The following PDE4A variants were observed in gnomAD, a reference collection of about 807,000 sequenced individuals.
PDE4A encodes 3',5'-cyclic-AMP phosphodiesterase 4A.
A neutral mutation model predicts 73.9 loss-of-function variants in PDE4A; 21 were observed. That is an observed-to-expected ratio of 0.28 (90% CI 0.20 to 0.41). The LOEUF is 0.41. PDE4A is among the 10% of genes least tolerant of loss of function. The pLI is 1.00. For synonymous variants in PDE4A, 463 were observed against 505.4 expected (o/e 0.92, Z 1.13); for missense variants, 958 against 1,211.4 (o/e 0.79, Z 3.10).
chr19:10,427,428 G>A (rs1169567144), intron 1 of PDE4A: 10 of 939,692 alleles, frequency 1.1e-5, no homozygotes, highest in Non-Finnish European at 1.3e-5. Context: ...GTGTGTCTGA[G>A]GCAGAGTGAG....
At position 10,457,907 on chromosome 19, in the gene PDE4A, A is replaced by G. The variant is rs199597665; in HGVS notation, c.906A>G (p.Ser302=). Residue 302 remains serine (S), a synonymous_variant, in exon 8 of 15, where the codon TCA becomes TCG. Transcript: ENST00000380702. The part of the protein sequence containing the change: ...LDKQNEVEIP[S]PTMKEREKQQ... ...AACAGAATGAAGTGGAGATCCCATC[A>G]CCCACGATGAAGGAACGAGAAAAAC... 1.7e-5 allele frequency: 27 copies of G among 1,612,172 alleles called. No homozygotes were observed. Among genetic ancestry groups the G allele is most frequent in the Non-Finnish European group, 2.1e-5 (25 of 1,179,984 alleles).
rs141443825 is a variant in PDE4A at position 10,467,268 on chromosome 19, C to T, written c.2308C>T (p.Leu770=). ...SLEVMAQEAS[L]EAELEAVYLT... The stretch of plus-strand genomic sequence containing the variant: ...GGAAGTTATGGCACAGGAAGCATCC[C>T]TGGAGGCCGAGCTGGAGGCAGTGTA... The change falls in exon 15 of 15, where the codon CTG becomes TTG. Residue 770 remains leucine, a synonymous_variant. Transcript: ENST00000380702. 1.7e-5 allele frequency: 28 copies of T among 1,614,092 alleles called. No individual in the cohort carries two copies. Among genetic ancestry groups the T allele is most frequent in the Middle Eastern group, 3.3e-4 (2 of 6,084 alleles).
At chr19:10,431,093 G>T in intron 1 of PDE4A, 1 of 1,513,296 alleles carries the variant, frequency 6.6e-7, no homozygotes, top group Non-Finnish European at 8.8e-7. Context: ...CTGGGTAAGT[G>T]CAGCGCTGGT....
At chr19:10,436,066 G>A (rs1162917015) in intron 1 of PDE4A, among the ~76,000 whole-genome samples, 6 of 152,268 alleles carry the variant, frequency 3.9e-5, no homozygotes, top group Middle Eastern at 3.4e-3. Context: ...TGTGCTAGCT[G>A]GGCACCTGCT....
intron 1 of PDE4A, chr19:10,423,157 CTTTTTTTTT>C (rs61513692): frequency 6.1e-5 from 46 of 755,998 alleles, no homozygotes; most frequent in South Asian, 1.3e-4. Context: ...AACCCTTTCT[CTTTTTTTTT>C]TTTTTTTTTT....
intron 7 of PDE4A, among the ~76,000 whole-genome samples, chr19:10,456,956 G>A (rs2043179361): frequency 6.6e-6 from 1 of 152,186 alleles, no homozygotes; most frequent in Non-Finnish European, 1.5e-5. Flanking sequence ...CCAGCACTTT[G>A]GGAGGCCGAG....
At chr19:10,426,183 A>G (rs1454152376) in intron 1 of PDE4A, among the ~76,000 whole-genome samples, 2 of 151,866 alleles carry the variant, frequency 1.3e-5, no homozygotes, top group Non-Finnish European at 2.9e-5. Flanking sequence ...GAAAAAAATA[A>G]AAGAAGTAAA....
intron 1 of PDE4A, chr19:10,427,920 G>T (rs1289176462): frequency 1.1e-6 from 1 of 913,330 alleles, no homozygotes; most frequent in Non-Finnish European, 1.3e-6. Flanking sequence ...ACTTGAGCCT[G>T]GGAGGTGGAG....
rs562068665 is a variant in PDE4A at position 10,443,015 on chromosome 19, C to CA, written c.321-3197dup. Among the ~76,000 whole-genome samples the CA allele has an allele frequency of 2.3e-3, 346 of 151,898 alleles. 2 individuals carry two copies. The highest frequency in any genetic ancestry group is 8.1e-3 in the African/African-American group (334 of 41,436). ...CAATATTACATATTACCTATTACTA[C>CA]AAAAAATTCAAAAATTATCTGGGTG... On this transcript the variant is annotated intron_variant, in intron 1 of 14. Transcript: ENST00000380702.
chr19:10,421,168 T>C lies in PDE4A; in HGVS notation c.320+84T>C, dbSNP rs190630833. 3.0e-3 allele frequency: 4,020 copies of C among 1,337,246 alleles called. 66 individuals carry two copies. In the East Asian group the frequency reaches 0.043, roughly 14 times the overall value. The allele number at this position is 1,337,246 out of a possible 1,614,324, so 82.8% of individuals were successfully genotyped here. On this transcript the variant is annotated intron_variant, in intron 1 of 14. Transcript: ENST00000380702. ...TCGAGCTGCCGGCCGCAGGGGGCGC[T>C]AGGATGCGGGTGGGGTCGGTTTGGC...
intron 1 of PDE4A, among the ~76,000 whole-genome samples, chr19:10,441,339 C>T (rs1289383340): frequency 6.6e-6 from 1 of 152,010 alleles, no homozygotes; most frequent in African/African-American, 2.4e-5. Context: ...GTTGTCTGGG[C>T]TGGTCTCGAA....
At chr19:10,435,794 G>A (rs1248675795) in intron 1 of PDE4A, among the ~76,000 whole-genome samples, 1 of 152,108 alleles carries the variant, frequency 6.6e-6, no homozygotes, top group Non-Finnish European at 1.5e-5. Context: ...AGCAGTCAGT[G>A]GCAAGCCAGG....
In PDE4A at chr19:10,421,002, C is replaced by G. The variant is rs200639546; in HGVS notation, c.238C>G (p.Arg80Gly). Residue 80 changes from arginine to glycine, a missense_variant, in exon 1 of 15, where the codon CGC (arginine) becomes GGC (glycine). Physicochemically the swap from Arg to Gly is moderately radical, Grantham distance 125. Around this residue, in one of 3 missense-constraint regions of PDE4A, gnomAD observed 145 missense variants for 137.8 expected, o/e 1.05. Coordinates refer to ENST00000380702, the MANE Select transcript of PDE4A (RefSeq NM_001111307.2). ...GGACACCAGCGACCGGCCCGGCCTG[C>G]GCACGACCCGCATGTCCTGGCCCTC... is the stretch of plus-strand genomic sequence containing the variant. Reference protein sequence around the residue: ...AMDTSDRPGLRTTRMSWPSSF... With the variant: ...AMDTSDRPGLGTTRMSWPSSF... 1 of 1,516,354 alleles carries G rather than the reference C, an allele frequency of 6.6e-7. No homozygotes were observed. The highest frequency in any genetic ancestry group is 2.1e-5 in the Admixed American group (1 of 48,654). 93.9% of individuals were successfully genotyped at this position (1,516,354 alleles called of 1,614,324 possible). A position where few individuals can be genotyped will look rare whatever the true frequency, so the allele number is the denominator to read the frequency against.
At chr19:10,421,358 C>A (rs2042649491) in intron 1 of PDE4A, 1 of 984,052 alleles carries the variant, frequency 1.0e-6, no homozygotes, top group Admixed American at 6.1e-5. Context: ...GGGCTGCACA[C>A]TTAGGGGTCT....
upstream of PDE4A, chr19:10,419,056 C>CTT (rs977830124): frequency 0.028 from 22,289 of 807,074 alleles, 102 homozygotes; most frequent in Middle Eastern, 0.038. Flanking sequence ...GACCGGCAGT[C>CTT]TTTTTTTTTT....
chr19:10,448,140 A>G (rs924050739), intron 2 of PDE4A, among the ~76,000 whole-genome samples: 5 of 146,376 alleles, frequency 3.4e-5, no homozygotes, highest in Admixed American at 2.8e-4. Context: ...TTGCTCTGTC[A>G]CCAGGCTGGA....
At position 10,450,619 on chromosome 19, in the gene PDE4A, G is replaced by A. The variant is rs1288389575; in HGVS notation, c.637G>A (p.Gly213Ser). 2 of 1,609,428 alleles carry A rather than the reference G, an allele frequency of 1.2e-6. No individual in the cohort carries two copies. Among genetic ancestry groups the A allele is most frequent in the East Asian group, 2.2e-5 (1 of 44,818 alleles). Residue 213 changes from glycine to serine, a missense_variant, in exon 5 of 15, where the codon GGC becomes AGC. This residue lies in a region of PDE4A where 570 missense variants were observed against 827.7 expected (regional missense o/e 0.69). Coordinates refer to ENST00000380702, the MANE Select transcript of PDE4A (RefSeq NM_001111307.2). ...TTTCTGCAGGCGGTCCCCGCTGGGCGGCCCCACCCCTGTCTGCAAGGCCAC... is the reference window on the plus strand; with the variant it reads ...TTTCTGCAGGCGGTCCCCGCTGGGCAGCCCCACCCCTGTCTGCAAGGCCAC... The part of the protein sequence containing the change: ...VPSNKRSPLG[G>S]PTPVCKATLS...
In PDE4A at chr19:10,449,140, C is replaced by T; in HGVS notation, c.610C>T (p.Pro204Ser). Residue 204 changes from proline to serine, a missense_variant, in exon 4 of 15, where the codon CCC becomes TCC. Coordinates refer to ENST00000380702, the MANE Select transcript of PDE4A (RefSeq NM_001111307.2). ...NFSLLTNVPV[P>S]SNKRSPLGGP... Reference sequence around the variant, plus strand: ...CTCACTCCTGACCAATGTGCCCGTTCCCAGTAACAAGTAAGTGAAGGCTGG... The same window carrying T: ...CTCACTCCTGACCAATGTGCCCGTTTCCAGTAACAAGTAAGTGAAGGCTGG... The T allele has an allele frequency of 6.2e-7, 1 of 1,613,518 alleles. No homozygotes were observed. The highest frequency in any genetic ancestry group is 1.3e-5 in the African/African-American group (1 of 75,022).
At position 10,463,868 on chromosome 19, in the gene PDE4A, G is replaced by A; in HGVS notation, c.1819G>A (p.Asp607Asn). 6.2e-7 allele frequency: 1 copy of A among 1,614,188 alleles called. No individual in the cohort carries two copies. Among genetic ancestry groups the A allele is most frequent in the Non-Finnish European group, 8.5e-7 (1 of 1,180,036 alleles). The change falls in exon 14 of 15, where the codon GAC becomes AAC. Residue 607 changes from aspartate to asparagine, a missense_variant. Transcript: ENST00000380702. ...GCTGGAGCTGTACCGCCAGTGGACA[G>A]ACCGCATCATGGCCGAGTTCTTCCA... ...KPLELYRQWT[D>N]RIMAEFFQQG...
Sources: allele counts gnomAD v4.1 joint callset (sites outside exome capture counted in the v4.1 genomes callset), GRCh38; gene constraint gnomAD v4.1.1; regional missense constraint gnomAD v4.1.1; transcripts MANE v1.5; gene names NCBI Gene and HGNC (gene_info 2026-07-23, HGNC 2026-07-21).